The following FXYD6 variants were observed in gnomAD, a reference collection of about 807,000 sequenced individuals.
FXYD6 encodes the protein FXYD domain-containing ion transport regulator 6.
Under a neutral mutation model 16.7 loss-of-function variants are expected in FXYD6, and 7 were observed. That is an observed-to-expected ratio of 0.42 (90% CI 0.24 to 0.79). The LOEUF (loss-of-function observed/expected upper bound fraction) is 0.79, where lower values mean the gene tolerates loss of function less well. FXYD6 is among the 30% of genes least tolerant of loss of function. FXYD6 has a pLI of 0.28. For synonymous variants in FXYD6, 49 were observed against 43.0 expected, an observed-to-expected ratio of 1.14 and a Z score of -0.54; for missense variants, 111 against 116.2, an observed-to-expected ratio of 0.95 and a Z score of 0.21.
chr11:117,867,664 C>T (rs2057039933), intron 1 of FXYD6, among the ~76,000 whole-genome samples: 1 of 152,154 alleles, frequency 6.6e-6, no homozygotes, highest in Non-Finnish European at 1.5e-5. Context: ...TCTACCCCTC[C>T]AGTATCTTCT....
intron 1 of FXYD6, among the ~76,000 whole-genome samples, chr11:117,858,777 CTTCT>C (rs1555046998): frequency 4.0e-5 from 3 of 75,394 alleles, no homozygotes; most frequent in Non-Finnish European, 5.5e-5. Flanking sequence ...TCCTTCCTTC[CTTCT>C]TTCTTTTCTT....
intron 1 of FXYD6, among the ~76,000 whole-genome samples, chr11:117,859,509 T>A (rs540080900): frequency 4.5e-4 from 69 of 152,338 alleles, no homozygotes; most frequent in Middle Eastern, 3.4e-3. Flanking sequence ...CAAGAGGTAA[T>A]AATTATAATC....
intron 1 of FXYD6, among the ~76,000 whole-genome samples, chr11:117,857,940 G>A (rs1354126108): frequency 6.6e-6 from 1 of 152,152 alleles, no homozygotes; most frequent in Non-Finnish European, 1.5e-5. Context: ...CGGGACCTGG[G>A]GGAGTGGTCA....
chr11:117,861,334 G>C (rs1487187740), intron 1 of FXYD6, among the ~76,000 whole-genome samples: 2 of 152,182 alleles, frequency 1.3e-5, no homozygotes, highest in African/African-American at 4.8e-5. Context: ...AGTCTGTTGG[G>C]GGAGAAGTCG....
chr11:117,847,971 A>G (rs1210657155), intron 1 of FXYD6, among the ~76,000 whole-genome samples: 3 of 152,242 alleles, frequency 2.0e-5, no homozygotes, highest in African/African-American at 7.2e-5. Flanking sequence ...ACTAGTTTAC[A>G]GTCCCACCAA....
rs1445788766 is a variant in FXYD6, at chr11:117,841,804, G to A, written c.159C>T (p.Ile53=). 6.2e-7 allele frequency: 1 copy of A among 1,613,942 alleles called. No individual in the cohort carries two copies. The highest frequency in any genetic ancestry group is 1.1e-5 in the South Asian group (1 of 91,074). Reference sequence around the variant, plus strand: ...GAACAAACTTACTTAGGATAAGGAGGATCCCAACCGAGAAGAGGACCACAG... The same window carrying A: ...GAACAAACTTACTTAGGATAAGGAGAATCCCAACCGAGAAGAGGACCACAG... ...VFAVVLFSVG[I]LLILSRRCKC... Residue 53 remains isoleucine, a synonymous_variant, in exon 4 of 8, where the codon ATC becomes ATT. Coordinates refer to ENST00000526014, the MANE Select transcript of FXYD6 (RefSeq NM_022003.4).
chr11:117,846,422 A>T (rs2056470976), intron 1 of FXYD6, among the ~76,000 whole-genome samples: 2 of 152,212 alleles, frequency 1.3e-5, no homozygotes. Flanking sequence ...ACATACTTGA[A>T]TGCTGTGATT....
chr11:117,869,170 AGAGGAGTC>A, intron 1 of FXYD6: 1 of 152,388 alleles, frequency 6.6e-6, no homozygotes, highest in East Asian at 1.9e-4. Context: ...AATGTTCCAG[AGAGGAGTC>A]GAGGAGGAGA....
At chr11:117,874,333 G>A (rs867667930) in intron 1 of FXYD6, among the ~76,000 whole-genome samples, 66 of 152,330 alleles carry the variant, frequency 4.3e-4, no homozygotes, top group African/African-American at 1.5e-3. Context: ...CCTACCGTCT[G>A]TCAACCATAG....
intron 5 of FXYD6, 110 bp downstream of exon 5, chr11:117,841,038 C>T: frequency 7.1e-7 from 1 of 1,409,248 alleles, no homozygotes; most frequent in Non-Finnish European, 9.8e-7. Flanking sequence ...ACACGTTCTG[C>T]CTCCGAGACA....
chr11:117,852,391 G>A lies in FXYD6; in HGVS notation c.-5-9610C>T, dbSNP rs549963418. Among the ~76,000 whole-genome samples the A allele has an allele frequency of 6.6e-4, 100 of 152,328 alleles. 1 individual carries two copies. The highest frequency in any genetic ancestry group is 1.3e-3 in the Non-Finnish European group (89 of 68,032). Reference sequence around the variant, plus strand: ...ACTAATACAATCCTAACCTTGAAAGGTAGTTTGGCTATGTACACAATTCTA... The same window carrying A: ...ACTAATACAATCCTAACCTTGAAAGATAGTTTGGCTATGTACACAATTCTA... On this transcript the variant is annotated intron_variant, in intron 1 of 7. Coordinates refer to ENST00000526014, the MANE Select transcript of FXYD6 (RefSeq NM_022003.4).
intron 1 of FXYD6, among the ~76,000 whole-genome samples, chr11:117,874,334 T>A (rs4938446): frequency 0.33 from 49,574 of 152,072 alleles, 8,171 homozygotes; most frequent in African/African-American, 0.36. Context: ...CTACCGTCTG[T>A]CAACCATAGA....
intron 1 of FXYD6, among the ~76,000 whole-genome samples, chr11:117,859,353 C>T (rs943471688): frequency 2.6e-5 from 4 of 152,190 alleles, no homozygotes; most frequent in African/African-American, 9.7e-5. Flanking sequence ...TCCCAGACAG[C>T]GGCCTTGAAC....
At chr11:117,855,688 C>T (rs529048320) in intron 1 of FXYD6, among the ~76,000 whole-genome samples, 167 of 152,284 alleles carry the variant, frequency 1.1e-3, no homozygotes, top group Middle Eastern at 6.8e-3. Context: ...AAGGAGGAGT[C>T]ACTGGGGGAA....
At chr11:117,867,877 C>A (rs1408227297) in intron 1 of FXYD6, among the ~76,000 whole-genome samples, 1 of 152,088 alleles carries the variant, frequency 6.6e-6, no homozygotes, top group African/African-American at 2.4e-5. Context: ...AAAAAAGATG[C>A]CTGGAAATCA....
At chr11:117,859,275 G>A (rs2056849812) in intron 1 of FXYD6, among the ~76,000 whole-genome samples, 1 of 152,120 alleles carries the variant, frequency 6.6e-6, no homozygotes. Flanking sequence ...AATCCCCTGA[G>A]GAGGGAGGTC....
At chr11:117,857,459 G>A (rs1432008386) in intron 1 of FXYD6, among the ~76,000 whole-genome samples, 1 of 149,994 alleles carries the variant, frequency 6.7e-6, no homozygotes, top group Non-Finnish European at 1.5e-5. Flanking sequence ...GCCCAGGCTG[G>A]AGTGCAGTGG....
chr11:117,852,966 T>A (rs2056642737), intron 1 of FXYD6, among the ~76,000 whole-genome samples: 2 of 152,252 alleles, frequency 1.3e-5, no homozygotes, highest in Admixed American at 6.5e-5. Flanking sequence ...AAAGGTTCTA[T>A]CTGGTTCTTT....
At chr11:117,862,667 C>A (rs1467204458) in intron 1 of FXYD6, among the ~76,000 whole-genome samples, 1 of 152,200 alleles carries the variant, frequency 6.6e-6, no homozygotes, top group Non-Finnish European at 1.5e-5. Context: ...CTGCCTCCCA[C>A]AAAGGGCCCC....
Sources: gnomAD v4.1 joint callset for allele counts (sites outside exome capture counted in the v4.1 genomes callset) on GRCh38, gnomAD v4.1.1 for gene constraint, MANE v1.5 for transcripts, NCBI Gene and HGNC (gene_info 2026-07-23, HGNC 2026-07-21) for gene names.